RTN4IP1: variants seen among roughly 807,000 people sequenced by gnomAD.
RTN4IP1 encodes the protein NAD(P)H oxidoreductase RTN4IP1, mitochondrial.
A neutral mutation model predicts 46.6 loss-of-function variants in RTN4IP1; 32 were observed. That is an observed-to-expected ratio of 0.69 (90% CI 0.52 to 0.92). The LOEUF is 0.92. RTN4IP1 is among the 40% of genes least tolerant of loss of function. RTN4IP1 has a pLI of 0.00. For synonymous variants in RTN4IP1, 167 were observed against 161.8 expected, an observed-to-expected ratio of 1.03 and a Z score of -0.24; for missense variants, 424 against 485.8, an observed-to-expected ratio of 0.87 and a Z score of 1.20.
At chr6:106,580,562 T>C (rs1163664818) in intron 8 of RTN4IP1, among the ~76,000 whole-genome samples, 3 of 151,680 alleles carry the variant, frequency 2.0e-5, no homozygotes, top group Non-Finnish European at 4.4e-5. Flanking sequence ...CTACTAAAAA[T>C]ACAAAAATTA....
At chr6:106,612,212 C>T (rs1217273335) in intron 4 of RTN4IP1, among the ~76,000 whole-genome samples, 2 of 146,152 alleles carry the variant, frequency 1.4e-5, no homozygotes, top group Non-Finnish European at 2.9e-5. Context: ...CATGGTGAAA[C>T]CCCATCTCTA....
chr6:106,575,433 G>A (rs1775203475), intron 8 of RTN4IP1, among the ~76,000 whole-genome samples: 1 of 152,206 alleles, frequency 6.6e-6, no homozygotes. Flanking sequence ...GAGAACGTAG[G>A]GACGACGGGA....
At chr6:106,576,179 C>T (rs899466122) in intron 8 of RTN4IP1, among the ~76,000 whole-genome samples, 1 of 152,172 alleles carries the variant, frequency 6.6e-6, no homozygotes, top group Non-Finnish European at 1.5e-5. Context: ...GAATTTTGCT[C>T]TCAGTTGCTG....
intron 8 of RTN4IP1, among the ~76,000 whole-genome samples, chr6:106,577,447 CAAAAAAAAAA>C (rs58921891): frequency 1.1e-4 from 6 of 55,414 alleles, no homozygotes; most frequent in Middle Eastern, 0.031. Context: ...GACCCTGTCT[CAAAAAAAAAA>C]AAAAAAAAAA....
At chr6:106,581,877 G>A (rs529074066) in intron 8 of RTN4IP1, among the ~76,000 whole-genome samples, 2 of 152,342 alleles carry the variant, frequency 1.3e-5, no homozygotes, top group South Asian at 2.1e-4. Flanking sequence ...AAGCACAATC[G>A]TGGACTTCTA....
At chr6:106,594,637 C>A (rs1032945137) in intron 5 of RTN4IP1, among the ~76,000 whole-genome samples, 3 of 152,034 alleles carry the variant, frequency 2.0e-5, no homozygotes, top group African/African-American at 7.2e-5. Flanking sequence ...CCACAGAAGC[C>A]CCTCCTACCC....
intron 7 of RTN4IP1, chr6:106,583,649 C>T: frequency 2.3e-6 from 1 of 432,422 alleles, no homozygotes; most frequent in Non-Finnish European, 4.3e-6. Context: ...CACTCAGGCT[C>T]CTTCTCTAAA....
At position 106,622,670 on chromosome 6, in the gene RTN4IP1, G is replaced by T. The variant is rs1371705117; in HGVS notation, c.426+148C>A. ...AATAAATGCAAACTTTGTCAGTTTA[G>T]GGGGCAGATGCTGCAGATTCAGGGA... On this transcript the variant is annotated intron_variant, in intron 2 of 8. Transcript: ENST00000369063. 9.4e-6 allele frequency: 7 copies of T among 748,180 alleles called. No individual in the cohort carries two copies. The African/African-American group carries it at 1.2e-4, about 13-fold the overall frequency. The allele number at this position is 748,180 out of a possible 1,614,324, so 46.3% of individuals were successfully genotyped here.
intron 4 of RTN4IP1, 68 bp downstream of exon 4, chr6:106,619,134 T>C (rs1776419002): frequency 6.4e-7 from 1 of 1,556,826 alleles, no homozygotes; most frequent in East Asian, 2.3e-5. Context: ...CTCTGACAAA[T>C]CTACTGCAAG....
intron 4 of RTN4IP1, among the ~76,000 whole-genome samples, chr6:106,616,271 G>A (rs1396272158): frequency 6.6e-6 from 1 of 152,126 alleles, no homozygotes; most frequent in Admixed American, 6.6e-5. Context: ...AGTATTATAT[G>A]ACATCAAGAA....
At chr6:106,603,557 G>A (rs1181994863) in intron 4 of RTN4IP1, among the ~76,000 whole-genome samples, 1 of 152,098 alleles carries the variant, frequency 6.6e-6, no homozygotes, top group East Asian at 1.9e-4. Flanking sequence ...AGGGTGGGGC[G>A]GGACAAGGGT....
intron 1 of RTN4IP1, 34 bp from the exon 2 acceptor site, chr6:106,623,003 G>GT (rs1314056857): frequency 1.9e-6 from 3 of 1,605,624 alleles, no homozygotes; most frequent in East Asian, 2.2e-5. Context: ...TCCTCCAAAT[G>GT]TAAGTATGAA....
At chr6:106,601,586 A>C (rs1412559871) in intron 5 of RTN4IP1, among the ~76,000 whole-genome samples, 1 of 151,326 alleles carries the variant, frequency 6.6e-6, no homozygotes, top group Non-Finnish European at 1.5e-5. Context: ...TTATGTTTAG[A>C]TCTTTGATCC....
upstream of RTN4IP1, among the ~76,000 whole-genome samples, chr6:106,629,961 T>C (rs565353663): frequency 6.6e-6 from 1 of 151,330 alleles, no homozygotes; most frequent in Non-Finnish European, 1.5e-5. Flanking sequence ...AGACATTTGC[T>C]CTGGTGTAGG....
At chr6:106,593,945 TA>T (rs1775722203) in intron 5 of RTN4IP1, among the ~76,000 whole-genome samples, 1 of 152,172 alleles carries the variant, frequency 6.6e-6, no homozygotes, top group African/African-American at 2.4e-5. Flanking sequence ...ATACCTATAT[TA>T]AAAAAGAAAC....
intron 1 of RTN4IP1, among the ~76,000 whole-genome samples, chr6:106,627,976 G>A (rs1249615438): frequency 7.0e-6 from 1 of 143,756 alleles, no homozygotes; most frequent in Non-Finnish European, 1.5e-5. Flanking sequence ...GCTGAAGCAG[G>A]AGAATCGCTT....
At chr6:106,580,578 G>C (rs1025873050) in intron 8 of RTN4IP1, among the ~76,000 whole-genome samples, 6 of 151,996 alleles carry the variant, frequency 3.9e-5, no homozygotes, top group African/African-American at 1.5e-4. Context: ...AATTAGCCAG[G>C]TGTGGTGGTG....
chr6:106,629,032 G>A lies in RTN4IP1; in HGVS notation c.-11C>T. The A allele has an allele frequency of 6.3e-7, 1 of 1,599,440 alleles. No homozygotes were observed. Among genetic ancestry groups the A allele is most frequent in the South Asian group, 1.1e-5 (1 of 90,216 alleles). On this transcript the variant is annotated 5_prime_UTR_variant, in exon 1 of 9. Transcript: ENST00000369063. ...CTTCAGAAATTCCATTGTAAACACT[G>A]GTTGAACTGCGTGCTCAAATTCAAA...
At chr6:106,592,485 A>AATC (rs2114642244) in intron 5 of RTN4IP1, among the ~76,000 whole-genome samples, 185 bp from the exon 6 acceptor site, 1 of 152,286 alleles carries the variant, frequency 6.6e-6, no homozygotes, top group South Asian at 2.1e-4. Context: ...AAATGGTCAA[A>AATC]CTTTTGTTCA....
Sources: allele counts gnomAD v4.1 joint callset (sites outside exome capture counted in the v4.1 genomes callset), GRCh38; gene constraint gnomAD v4.1.1; transcripts MANE v1.5; gene names NCBI Gene and HGNC (gene_info 2026-07-23, HGNC 2026-07-21).